Variants in FLT1 observed in about 807,000 individuals in gnomAD.
The protein encoded by FLT1 is fms related receptor tyrosine kinase 1.
Under a neutral mutation model 156.3 loss-of-function variants are expected in FLT1, and 49 were observed. That is an observed-to-expected ratio of 0.31 (90% CI 0.25 to 0.40). FLT1 has a LOEUF of 0.40. Ranked by LOEUF, FLT1 falls within the 10% of genes least tolerant of loss-of-function variation. FLT1 has a pLI of 1.00. For synonymous variants in FLT1, 594 were observed against 583.8 expected (o/e 1.02, Z -0.25); for missense variants, 1,322 against 1,637.2 (o/e 0.81, Z 3.32).
intron 14 of FLT1, among the ~76,000 whole-genome samples, chr13:28,383,617 G>A (rs946869820): frequency 1.7e-4 from 25 of 151,430 alleles, no homozygotes; most frequent in African/African-American, 5.6e-4. Context: ...AGCTGAGAGC[G>A]CACCACTGCA....
At chr13:28,412,197 C>T (rs1374749780) in intron 10 of FLT1, among the ~76,000 whole-genome samples, 1 of 152,204 alleles carries the variant, frequency 6.6e-6, no homozygotes, top group East Asian at 1.9e-4. Context: ...GTAAACATTC[C>T]TCTGCTACTG....
At chr13:28,332,865 G>A (rs369163572) in intron 18 of FLT1, among the ~76,000 whole-genome samples, 3 of 152,144 alleles carry the variant, frequency 2.0e-5, no homozygotes, top group South Asian at 4.1e-4. Flanking sequence ...ACATGTTGAT[G>A]CCTCTTCTCT....
At chr13:28,370,198 A>G (rs1438636115) in intron 14 of FLT1, among the ~76,000 whole-genome samples, 2 of 152,080 alleles carry the variant, frequency 1.3e-5, no homozygotes, top group Non-Finnish European at 2.9e-5. Context: ...AGAAAAAAAA[A>G]AAAGCTGTAT....
chr13:28,368,322 T>C (rs1873380584), intron 14 of FLT1: 1 of 600,422 alleles, frequency 1.7e-6, no homozygotes, highest in Non-Finnish European at 2.6e-6. Context: ...CTGGCTAATT[T>C]TGTATTTTTA....
chr13:28,493,711 C>T (rs1276161390), intron 1 of FLT1, among the ~76,000 whole-genome samples: 1 of 152,240 alleles, frequency 6.6e-6, no homozygotes, highest in African/African-American at 2.4e-5. Flanking sequence ...CGCCACTCAG[C>T]CCCACTGAGC....
intron 3 of FLT1, among the ~76,000 whole-genome samples, chr13:28,456,033 G>A (rs554377195): frequency 7.2e-5 from 11 of 152,318 alleles, no homozygotes; most frequent in Admixed American, 5.2e-4. Context: ...AATGCAACAC[G>A]AGACAGCCAC....
chr13:28,372,076 ATT>A (rs56114428), intron 14 of FLT1, among the ~76,000 whole-genome samples: 5 of 11,760 alleles, frequency 4.3e-4, no homozygotes, highest in East Asian at 5.5e-3. Flanking sequence ...ATATATATAT[ATT>A]TTTTTTTTTT....
At chr13:28,456,950 A>G (rs765062862) in intron 3 of FLT1, among the ~76,000 whole-genome samples, 8 of 152,176 alleles carry the variant, frequency 5.3e-5, no homozygotes, top group Non-Finnish European at 1.0e-4. Context: ...TGTTTCTCCA[A>G]TCCATAGAAT....
chr13:28,306,845 C>T, intron 28 of FLT1, 73 bp from the exon 29 acceptor site: 1 of 935,752 alleles, frequency 1.1e-6, no homozygotes, highest in South Asian at 1.3e-5. Context: ...GAGGGATGAT[C>T]CTGGGATACA....
chr13:28,322,553 G>T lies in FLT1; in HGVS notation c.2954-194C>A. 5 of 722,476 alleles carry T rather than the reference G, an allele frequency of 6.9e-6. No homozygotes were observed. The South Asian group carries it at 7.4e-5, about 11-fold the overall frequency. The allele number at this position is 722,476 out of a possible 1,614,324, so 44.8% of individuals were successfully genotyped here. On this transcript the variant is annotated intron_variant, in intron 21 of 29. Transcript: ENST00000282397. This position sits in a 1 kb window ranked among gnomAD's most constrained non-coding sequence, Gnocchi z 4.3. ...TCCAGCCCACTTTATCCAAGCATGGGGGCAGGGGGATGATCCATTAAGATG... is the reference window on the plus strand; with the variant it reads ...TCCAGCCCACTTTATCCAAGCATGGTGGCAGGGGGATGATCCATTAAGATG...
At chr13:28,418,058 T>A (rs1876761496) in intron 10 of FLT1, among the ~76,000 whole-genome samples, 1 of 152,168 alleles carries the variant, frequency 6.6e-6, no homozygotes, top group African/African-American at 2.4e-5. Context: ...GAATGGGGCT[T>A]CCCTGCCCTG....
chr13:28,365,108 G>T (rs976314845), intron 14 of FLT1, among the ~76,000 whole-genome samples: 2 of 152,060 alleles, frequency 1.3e-5, no homozygotes, highest in Non-Finnish European at 2.9e-5. Context: ...TGGCAATATG[G>T]TTCTACCAAT....
At chr13:28,363,030 G>T (rs1381685280) in intron 14 of FLT1, among the ~76,000 whole-genome samples, 4 of 152,042 alleles carry the variant, frequency 2.6e-5, no homozygotes, top group Non-Finnish European at 5.9e-5. Flanking sequence ...ACGAAAATAA[G>T]CATGTTATTA....
intron 12 of FLT1, among the ~76,000 whole-genome samples, chr13:28,394,369 C>A (rs555715391): frequency 6.6e-5 from 10 of 152,050 alleles, no homozygotes; most frequent in Non-Finnish European, 1.2e-4. Context: ...TATGGATAAG[C>A]CTTGGGATCT....
chr13:28,351,074 GAA>G (rs917050210), intron 15 of FLT1, among the ~76,000 whole-genome samples: 1 of 145,670 alleles, frequency 6.9e-6, no homozygotes, highest in African/African-American at 2.6e-5. Flanking sequence ...TTTTTTCATT[GAA>G]ACACATTGCA....
chr13:28,459,896 G>A (rs1380960501), intron 3 of FLT1, among the ~76,000 whole-genome samples: 1 of 152,314 alleles, frequency 6.6e-6, no homozygotes, highest in South Asian at 2.1e-4. Context: ...ACCTTCTTTC[G>A]GTCTGGGGAT....
chr13:28,359,069 C>G (rs1873015716), intron 14 of FLT1, among the ~76,000 whole-genome samples: 1 of 152,100 alleles, frequency 6.6e-6, no homozygotes, highest in Non-Finnish European at 1.5e-5. Flanking sequence ...GTTTGTATTT[C>G]TCTTATGAAA....
chr13:28,356,407 G>A (rs773999339), intron 15 of FLT1, among the ~76,000 whole-genome samples: 2 of 152,206 alleles, frequency 1.3e-5, no homozygotes, highest in African/African-American at 4.8e-5. Flanking sequence ...GTTTCTGTAT[G>A]AGCGAGCAGA....
intron 11 of FLT1, among the ~76,000 whole-genome samples, chr13:28,403,765 C>T (rs754731962): frequency 6.6e-6 from 1 of 152,108 alleles, no homozygotes; most frequent in African/African-American, 2.4e-5. Context: ...ATCTGAAGGC[C>T]GGGTGTGGTG....
Sources: gnomAD v4.1 joint callset for allele counts (sites outside exome capture counted in the v4.1 genomes callset) on GRCh38, gnomAD v4.1.1 for gene constraint, Gnocchi (gnomAD v3.1) non-coding constraint, MANE v1.5 for transcripts, NCBI Gene and HGNC (gene_info 2026-07-23, HGNC 2026-07-21) for gene names.